ERN1: variants seen among roughly 807,000 people sequenced by gnomAD.
ERN1 encodes endoplasmic reticulum to nucleus signaling 1.
Under a neutral mutation model 113.1 loss-of-function variants are expected in ERN1, and 39 were observed. The observed-to-expected ratio is 0.34, with a 90% confidence interval of 0.27 to 0.45. The LOEUF is 0.45. ERN1 is among the 20% of genes least tolerant of loss of function. The probability of loss-of-function intolerance (pLI) is 1.00; values close to 1 mark genes in which losing one functional copy is unlikely to be tolerated. For synonymous variants in ERN1, 507 were observed against 515.9 expected (o/e 0.98, Z 0.23); for missense variants, 976 against 1,274.8 (o/e 0.77, Z 3.57).
chr17:64,069,376 GA>G (rs1182194905), intron 6 of ERN1, among the ~76,000 whole-genome samples: 3 of 151,482 alleles, frequency 2.0e-5, no homozygotes, highest in Non-Finnish European at 4.4e-5. Context: ...CAGTCAAATT[GA>G]AAAAAAAGGG....
At chr17:64,081,235 T>C (rs777440140) in intron 2 of ERN1, among the ~76,000 whole-genome samples, 5 of 152,138 alleles carry the variant, frequency 3.3e-5, no homozygotes, top group Non-Finnish European at 7.4e-5. Flanking sequence ...ATATTCCCAT[T>C]AGGAAAAGTA....
intron 1 of ERN1, among the ~76,000 whole-genome samples, chr17:64,123,866 T>C (rs1228119915): frequency 6.6e-6 from 1 of 152,240 alleles, no homozygotes; most frequent in Admixed American, 6.5e-5. Context: ...TTCAGAGAAA[T>C]ACTACGCAGC....
rs1598041368 is a variant in ERN1, at chr17:64,044,288, A to T, written c.2722-88T>A. The T allele has an allele frequency of 4.3e-6, 4 of 938,940 alleles. No individual in the cohort carries two copies. In the East Asian group the frequency reaches 1.1e-4, roughly 26 times the overall value. 58.2% of individuals were successfully genotyped at this position (938,940 alleles called of 1,614,324 possible). ...AAAACACCCTTTCATCATGCAAGGA[A>T]GAGACAGAATGTGAGTGTTGGTTTT... On this transcript the variant is annotated intron_variant, in intron 21 of 21. Coordinates refer to ENST00000433197, the MANE Select transcript of ERN1 (RefSeq NM_001433.5). The surrounding 1 kb of genome is among the most constrained non-coding windows in gnomAD (Gnocchi z 4.1).
chr17:64,116,656 C>A (rs1268499664), intron 1 of ERN1, among the ~76,000 whole-genome samples: 4 of 148,942 alleles, frequency 2.7e-5, no homozygotes, highest in Non-Finnish European at 6.0e-5. Flanking sequence ...AAAAAAATAA[C>A]ACACACACAC....
intron 3 of ERN1, 104 bp downstream of exon 3, chr17:64,080,671 T>C: frequency 9.5e-7 from 1 of 1,057,986 alleles, no homozygotes. Context: ...CTGTTATTCC[T>C]CAAACTTACA....
chr17:64,089,058 G>A (rs1286782698), intron 2 of ERN1, among the ~76,000 whole-genome samples: 3 of 152,090 alleles, frequency 2.0e-5, no homozygotes, highest in Admixed American at 6.6e-5. Flanking sequence ...AGTGGCTCAC[G>A]CCTGTAATCC....
At chr17:64,094,069 G>T (rs914200168) in intron 2 of ERN1, among the ~76,000 whole-genome samples, 11 of 152,220 alleles carry the variant, frequency 7.2e-5, no homozygotes, top group African/African-American at 2.7e-4. Flanking sequence ...ACATTCTCAT[G>T]GGCCAAAACC....
intron 1 of ERN1, among the ~76,000 whole-genome samples, chr17:64,127,528 T>G (rs1352356335): frequency 6.6e-6 from 1 of 151,776 alleles, no homozygotes; most frequent in Non-Finnish European, 1.5e-5. Context: ...CCAAGGTGGG[T>G]GGATCACTTG....
rs921648318 is a variant in ERN1, at chr17:64,063,078, C to G, written c.1087+908G>C. 1.3e-5 allele frequency among the ~76,000 whole-genome samples: 2 copies of G among 152,252 alleles called. No individual in the cohort carries two copies. The highest frequency in any genetic ancestry group is 6.5e-5 in the Admixed American group (1 of 15,290). On this transcript the variant is annotated intron_variant, in intron 10 of 21. Coordinates refer to ENST00000433197, the MANE Select transcript of ERN1 (RefSeq NM_001433.5). This position sits in a 1 kb window ranked among gnomAD's most constrained non-coding sequence, Gnocchi z 5.1. The stretch of plus-strand genomic sequence containing the variant: ...TCTTTTCCAGAGCCCCAGCCCTGAC[C>G]TCTTTCTCCCCTAGTACCTGTCACC...
At chr17:64,080,881 C>T (rs1913745565) in intron 2 of ERN1, 73 bp from the exon 3 acceptor site, 1 of 1,492,958 alleles carries the variant, frequency 6.7e-7, no homozygotes, top group East Asian at 2.4e-5. Flanking sequence ...CTTCCCAGGA[C>T]CAGGCCAAGT....
chr17:64,060,429 C>A, intron 11 of ERN1, 40 bp downstream of exon 11: 1 of 1,350,202 alleles, frequency 7.4e-7, no homozygotes, highest in South Asian at 1.2e-5. Flanking sequence ...CTCCCAACAC[C>A]TAACACCAAC....
In ERN1 at chr17:64,065,279, A is replaced by G; in HGVS notation, c.851T>C (p.Leu284Pro). 1 of 1,602,890 alleles carries G rather than the reference A, an allele frequency of 6.2e-7. No individual in the cohort carries two copies. Residue 284 changes from leucine (L) to proline (P), a missense_variant, in exon 9 of 22, where the codon CTG becomes CCG. Around this residue, in one of 5 missense-constraint regions of ERN1, gnomAD observed 459 missense variants for 581.2 expected, o/e 0.79. Coordinates refer to ENST00000433197, the MANE Select transcript of ERN1 (RefSeq NM_001433.5). ...GCTGGTAGAGTATTTCCCAACATACAGAGTGGGCCTAGGAGAAAAACAGAT... is the reference window on the plus strand; with the variant it reads ...GCTGGTAGAGTATTTCCCAACATACGGAGTGGGCCTAGGAGAAAAACAGAT... ...TEAKSKLTPT[L>P]YVGKYSTSLY...
At chr17:64,092,885 A>G (rs1914128151) in intron 2 of ERN1, among the ~76,000 whole-genome samples, 1 of 152,246 alleles carries the variant, frequency 6.6e-6, no homozygotes, top group Admixed American at 6.5e-5. Context: ...CTAAAAGTAC[A>G]GAGATGAAAT....
intron 1 of ERN1, among the ~76,000 whole-genome samples, chr17:64,126,319 A>G (rs773915189): frequency 1.3e-5 from 2 of 152,204 alleles, no homozygotes; most frequent in African/African-American, 4.8e-5. Context: ...TTGAACCTAC[A>G]TATTACTTTG....
chr17:64,062,335 T>TTA (rs1176065695), intron 10 of ERN1, among the ~76,000 whole-genome samples: 9 of 152,266 alleles, frequency 5.9e-5, no homozygotes, highest in African/African-American at 2.2e-4. Context: ...TGGAATATCT[T>TTA]TAATGCTTTC....
intron 5 of ERN1, among the ~76,000 whole-genome samples, chr17:64,074,494 C>G (rs1355209744): frequency 2.6e-5 from 4 of 152,174 alleles, no homozygotes; most frequent in Non-Finnish European, 4.4e-5. Context: ...CCTTAAAAGT[C>G]TGGCCTGCAC....
Position 64,044,296 on chromosome 17 carries a change from A to C in ERN1, c.2722-96T>G. 1 of 850,666 alleles carries C rather than the reference A, an allele frequency of 1.2e-6. No individual in the cohort carries two copies. 52.7% of individuals were successfully genotyped at this position (850,666 alleles called of 1,614,324 possible). ...CTTTCATCATGCAAGGAAGAGACAG[A>C]ATGTGAGTGTTGGTTTTTGGTAAAG... is the stretch of plus-strand genomic sequence containing the variant. On this transcript the variant is annotated intron_variant, in intron 21 of 21. Transcript: ENST00000433197. The surrounding 1 kb of genome is among the most constrained non-coding windows in gnomAD (Gnocchi z 4.1).
chr17:64,076,499 T>C (rs1750842068), intron 4 of ERN1, among the ~76,000 whole-genome samples: 1 of 152,228 alleles, frequency 6.6e-6, no homozygotes, highest in Admixed American at 6.5e-5. Flanking sequence ...TGCTGAGCAC[T>C]GCCACTGGTG....
Position 64,080,765 on chromosome 17 carries a change from G to A in ERN1, c.209+10C>T. ...TTAAAGGGAAGTACTGAGCGAATCA[G>A]AAAACTTACTCTTCCACATGTGTTG... On this transcript the variant is annotated intron_variant, in intron 3 of 21. Coordinates refer to ENST00000433197, the MANE Select transcript of ERN1 (RefSeq NM_001433.5). The A allele has an allele frequency of 6.2e-7, 1 of 1,609,580 alleles. No individual in the cohort carries two copies. Among genetic ancestry groups the A allele is most frequent in the Non-Finnish European group, 8.5e-7 (1 of 1,177,752 alleles).
Sources: allele counts gnomAD v4.1 joint callset (sites outside exome capture counted in the v4.1 genomes callset), GRCh38; gene constraint gnomAD v4.1.1; regional missense constraint gnomAD v4.1.1; non-coding constraint Gnocchi (gnomAD v3.1); transcripts MANE v1.5; gene names NCBI Gene and HGNC (gene_info 2026-07-23, HGNC 2026-07-21).